Variants in SH3GL2 observed in about 807,000 individuals in gnomAD.
SH3GL2 encodes endophilin-A1.
SH3GL2 carries 24 observed loss-of-function variants against 46.0 expected under a neutral mutation model. That is an observed-to-expected ratio of 0.52 (90% CI 0.38 to 0.73). The LOEUF (loss-of-function observed/expected upper bound fraction) is 0.73. Ranked by LOEUF, SH3GL2 falls within the 30% of genes least tolerant of loss-of-function variation. The pLI, the probability that SH3GL2 is intolerant of heterozygous loss-of-function variation, is 0.00. For missense variants in SH3GL2, 413 were observed against 424.2 expected (o/e 0.97, Z 0.23); for synonymous variants, 196 against 147.1 (o/e 1.33, Z -2.40).
At chr9:17,650,615 C>G (rs551288634) in intron 1 of SH3GL2, among the ~76,000 whole-genome samples, 1 of 152,202 alleles carries the variant, frequency 6.6e-6, no homozygotes, top group South Asian at 2.1e-4. Context: ...CTTCAGCCTC[C>G]CAAAGTGCTG....
chr9:17,695,929 C>T (rs983204802), intron 1 of SH3GL2, among the ~76,000 whole-genome samples: 1 of 152,086 alleles, frequency 6.6e-6, no homozygotes, highest in Non-Finnish European at 1.5e-5. Flanking sequence ...ACTGATGTTG[C>T]ATTTTTAAAA....
chr9:17,716,260 G>C (rs956528615), intron 1 of SH3GL2, among the ~76,000 whole-genome samples: 2 of 151,960 alleles, frequency 1.3e-5, no homozygotes, highest in African/African-American at 4.8e-5. Flanking sequence ...TTAGTTGTAC[G>C]ATATTGTGAA....
chr9:17,715,556 G>C (rs568303684), intron 1 of SH3GL2, among the ~76,000 whole-genome samples: 1 of 151,290 alleles, frequency 6.6e-6, no homozygotes, highest in African/African-American at 2.4e-5. Flanking sequence ...TTATTGCTAG[G>C]CTTTAAATTT....
At chr9:17,714,245 T>C (rs949328748) in intron 1 of SH3GL2, among the ~76,000 whole-genome samples, 1 of 151,644 alleles carries the variant, frequency 6.6e-6, no homozygotes, top group African/African-American at 2.4e-5. Context: ...TTAGTATCTT[T>C]GTGTTTAAAG....
At chr9:17,759,556 G>A (rs1156909709) in intron 2 of SH3GL2, among the ~76,000 whole-genome samples, 1 of 152,176 alleles carries the variant, frequency 6.6e-6, no homozygotes, top group Non-Finnish European at 1.5e-5. Context: ...TAACCCCTCT[G>A]TATCTGTTTT....
At chr9:17,689,379 A>C (rs1180611811) in intron 1 of SH3GL2, among the ~76,000 whole-genome samples, 1 of 152,104 alleles carries the variant, frequency 6.6e-6, no homozygotes, top group Non-Finnish European at 1.5e-5. Flanking sequence ...TAAAGAAGCA[A>C]ATCTGAATAA....
At chr9:17,592,003 G>C (rs1241639774) in intron 1 of SH3GL2, among the ~76,000 whole-genome samples, 1 of 152,164 alleles carries the variant, frequency 6.6e-6, no homozygotes, top group East Asian at 1.9e-4. Context: ...ACATGAGAGG[G>C]ATTTATTATG....
chr9:17,589,809 CA>C (rs1290996565), intron 1 of SH3GL2: 1 of 152,268 alleles, frequency 6.6e-6, no homozygotes, highest in Non-Finnish European at 1.5e-5. Context: ...GTGTAAGCAG[CA>C]GGGTTGAGGG....
chr9:17,624,492 A>C (rs1255826972), intron 1 of SH3GL2, among the ~76,000 whole-genome samples: 1 of 151,110 alleles, frequency 6.6e-6, no homozygotes, highest in Non-Finnish European at 1.5e-5. Flanking sequence ...TTAGCCTTTG[A>C]CATTCTGCTC....
chr9:17,754,985 C>A (rs948766872), intron 2 of SH3GL2, among the ~76,000 whole-genome samples: 1 of 152,164 alleles, frequency 6.6e-6, no homozygotes, highest in East Asian at 1.9e-4. Flanking sequence ...ATTTCTTTCT[C>A]TTGCCTAATT....
At chr9:17,684,530 T>C (rs1433173050) in intron 1 of SH3GL2, among the ~76,000 whole-genome samples, 2 of 152,042 alleles carry the variant, frequency 1.3e-5, no homozygotes, top group African/African-American at 4.8e-5. Flanking sequence ...TAGTGTGGTA[T>C]AAAATAGTGC....
chr9:17,651,274 C>T (rs1050959417), intron 1 of SH3GL2, among the ~76,000 whole-genome samples: 23 of 151,992 alleles, frequency 1.5e-4, no homozygotes, highest in African/African-American at 5.6e-4. Context: ...ATAGGAAATC[C>T]TCTGAGACTA....
At chr9:17,774,870 TC>T (rs1419725282) in intron 3 of SH3GL2, among the ~76,000 whole-genome samples, 18 of 152,208 alleles carry the variant, frequency 1.2e-4, no homozygotes, top group African/African-American at 4.3e-4. Context: ...TGTTAGTTCT[TC>T]AAATATTTGG....
At chr9:17,771,677 A>G (rs1050234273) in intron 3 of SH3GL2, among the ~76,000 whole-genome samples, 2 of 152,312 alleles carry the variant, frequency 1.3e-5, no homozygotes, top group African/African-American at 4.8e-5. Context: ...GGCACCTTGC[A>G]GCACCCAATC....
intron 3 of SH3GL2, among the ~76,000 whole-genome samples, chr9:17,783,665 C>T (rs1050784514): frequency 5.3e-5 from 8 of 152,232 alleles, no homozygotes; most frequent in African/African-American, 1.9e-4. Context: ...CTCATTTTAG[C>T]AGAGGACAAA....
Position 17,606,161 on chromosome 9 carries a change from C to G in SH3GL2, c.45+26874C>G, listed in dbSNP as rs573383558. ...AGGCTGGAGTGCAATGGCGTGATCT[C>G]AGCTCACTGCAACCTCTGCCGCCTG... On this transcript the variant is annotated intron_variant, in intron 1 of 8. Coordinates refer to ENST00000380607, the MANE Select transcript of SH3GL2 (RefSeq NM_003026.5). 2.0e-5 allele frequency among the ~76,000 whole-genome samples: 3 copies of G among 152,188 alleles called. No individual in the cohort carries two copies. The South Asian group carries it at 6.2e-4, about 32-fold the overall frequency.
intron 3 of SH3GL2, among the ~76,000 whole-genome samples, chr9:17,767,303 A>G (rs965056539): frequency 3.3e-5 from 5 of 152,210 alleles, no homozygotes; most frequent in African/African-American, 1.2e-4. Flanking sequence ...TTTGTGAAAT[A>G]TTGCCTGTGG....
At chr9:17,586,856 CG>C (rs1818386631) in intron 1 of SH3GL2, among the ~76,000 whole-genome samples, 3 of 152,100 alleles carry the variant, frequency 2.0e-5, no homozygotes, top group Admixed American at 2.0e-4. Context: ...ACAGCCAAAC[CG>C]TATCACAGAA....
chr9:17,620,311 A>G (rs1819107570), intron 1 of SH3GL2, among the ~76,000 whole-genome samples: 1 of 152,206 alleles, frequency 6.6e-6, no homozygotes, highest in African/African-American at 2.4e-5. Context: ...TGCATTTTGC[A>G]CTGGGTATCC....
Sources: allele counts gnomAD v4.1 joint callset (sites outside exome capture counted in the v4.1 genomes callset), GRCh38; gene constraint gnomAD v4.1.1; transcripts MANE v1.5; gene names NCBI Gene and HGNC (gene_info 2026-07-23, HGNC 2026-07-21).